Variants in ZNF644 observed in about 807,000 individuals in gnomAD.
ZNF644 encodes the protein zinc finger protein 644, also known as zinc finger motif enhancer binding protein 2.
A neutral mutation model predicts 108.0 loss-of-function variants in ZNF644; 20 were observed. That is an observed-to-expected ratio of 0.19 (90% CI 0.13 to 0.27). The LOEUF (loss-of-function observed/expected upper bound fraction) is 0.27, where lower values mean the gene tolerates loss of function less well. Among genes scored for constraint, ZNF644 ranks in the 10% least tolerant of loss-of-function variants. ZNF644 has a pLI of 1.00. For synonymous variants in ZNF644, 542 were observed against 539.1 expected (o/e 1.01, Z -0.08); for missense variants, 1,338 against 1,548.9 (o/e 0.86, Z 2.29).
At chr1:90,982,753 C>T (rs1435757321) in intron 1 of ZNF644, among the ~76,000 whole-genome samples, 1 of 151,934 alleles carries the variant, frequency 6.6e-6, no homozygotes, top group African/African-American at 2.4e-5. Flanking sequence ...TATCAAGACA[C>T]ACACCAAACA....
chr1:90,939,135 T>A lies in ZNF644; in HGVS notation c.2219A>T (p.Tyr740Phe). ...CCTATAGTTTTCATATTTGTGTCTA[T>A]ACAAATAGTGGCTATTTGCCTTGGC... ...SNAKANSHYL[Y>F]RHKYENYRMI... Residue 740 changes from tyrosine to phenylalanine, a missense_variant, in exon 3 of 6, where the codon TAT (tyrosine) becomes TTT (phenylalanine). Tyr to Phe is a conservative substitution (Grantham distance 22). Transcript: ENST00000337393. The A allele has an allele frequency of 6.2e-7, 1 of 1,613,882 alleles. No individual in the cohort carries two copies. Among genetic ancestry groups the A allele is most frequent in the Non-Finnish European group, 8.5e-7 (1 of 1,179,910 alleles).
chr1:90,989,852 G>A (rs1250682796), intron 1 of ZNF644, among the ~76,000 whole-genome samples: 1 of 152,090 alleles, frequency 6.6e-6, no homozygotes, highest in African/African-American at 2.4e-5. Context: ...ATCTCAAAAC[G>A]ATATTTACAT....
chr1:90,928,186 T>C (rs2100842375), intron 4 of ZNF644, among the ~76,000 whole-genome samples: 1 of 151,604 alleles, frequency 6.6e-6, no homozygotes, highest in African/African-American at 2.4e-5. Flanking sequence ...GGAGTCTCAC[T>C]CTGTCGCCCA....
In ZNF644 at chr1:90,940,812, A is replaced by C. The variant is rs940776809; in HGVS notation, c.542T>G (p.Val181Gly). 8 of 1,613,874 alleles carry C rather than the reference A, an allele frequency of 5.0e-6. No individual in the cohort carries two copies. Among genetic ancestry groups the C allele is most frequent in the Non-Finnish European group, 6.8e-6 (8 of 1,179,978 alleles). ...QHQVLFLLSD[V>G]AHAKNPTHSN... ...ATGGGTGGGATTCTTAGCATGTGCT[A>C]CATCTGATAACAAAAATAAAACTTG... The change falls in exon 3 of 6, where the codon GTA (valine) becomes GGA (glycine). Residue 181 changes from valine to glycine, a missense_variant. By Grantham distance (109) the Val-to-Gly change is moderately radical. Coordinates refer to ENST00000337393, the MANE Select transcript of ZNF644 (RefSeq NM_201269.3).
rs759220470 is a variant in ZNF644, at chr1:90,940,568, T to A, written c.786A>T (p.Gln262His). 15 of 1,614,050 alleles carry A rather than the reference T, an allele frequency of 9.3e-6. No individual in the cohort carries two copies. Among genetic ancestry groups the A allele is most frequent in the African/African-American group, 1.3e-5 (1 of 75,018 alleles). Residue 262 changes from glutamine (Q) to histidine (H), a missense_variant, in exon 3 of 6, where the codon CAA (glutamine) becomes CAT (histidine). Transcript: ENST00000337393. ...RSENDTNWDP[Q>H]KEFIQFLMTN... The stretch of plus-strand genomic sequence containing the variant: ...TCATAAGAAATTGAATGAACTCTTT[T>A]TGGGGATCCCAGTTTGTATCATTTT...
At chr1:90,982,077 T>C (rs936912116) in intron 2 of ZNF644, among the ~76,000 whole-genome samples, 3 of 152,076 alleles carry the variant, frequency 2.0e-5, no homozygotes, top group African/African-American at 7.2e-5. Flanking sequence ...ATGCTTTAGT[T>C]AACCTCAACA....
chr1:91,020,754 C>CT (rs1660830108), intron 1 of ZNF644: 1 of 152,124 alleles, frequency 6.6e-6, no homozygotes, highest in Admixed American at 6.6e-5. Context: ...AAGCAAACTA[C>CT]TGCAGGGAGG....
At chr1:91,013,919 C>A (rs1036863481) in intron 1 of ZNF644, among the ~76,000 whole-genome samples, 6 of 152,040 alleles carry the variant, frequency 3.9e-5, no homozygotes, top group African/African-American at 1.4e-4. Context: ...AATAAAATTT[C>A]ACCTATTTAT....
intron 1 of ZNF644, among the ~76,000 whole-genome samples, chr1:91,006,744 T>C (rs2101721746): frequency 1.3e-5 from 2 of 152,218 alleles, no homozygotes; most frequent in East Asian, 3.9e-4. Context: ...TTCATAATCA[T>C]CCTAGAAATT....
intron 2 of ZNF644, among the ~76,000 whole-genome samples, chr1:90,978,482 C>A (rs1008727855): frequency 6.6e-5 from 10 of 151,978 alleles, no homozygotes; most frequent in Admixed American, 5.9e-4. Flanking sequence ...AAAAAGTCTT[C>A]TTTTTCATGC....
intron 2 of ZNF644, among the ~76,000 whole-genome samples, chr1:90,967,788 C>G (rs981158547): frequency 6.6e-6 from 1 of 151,648 alleles, no homozygotes. Flanking sequence ...TGGCTCACGC[C>G]TGTAATCCCA....
intron 4 of ZNF644, among the ~76,000 whole-genome samples, chr1:90,927,256 T>C (rs1650148535): frequency 6.6e-6 from 1 of 152,232 alleles, no homozygotes; most frequent in Non-Finnish European, 1.5e-5. Flanking sequence ...ATTACAGTTA[T>C]GCATATATGT....
In ZNF644 at chr1:90,939,546, T is replaced by C. The variant is rs1400716128; in HGVS notation, c.1808A>G (p.Lys603Arg). The C allele has an allele frequency of 1.2e-5, 20 of 1,613,894 alleles. No homozygotes were observed. Among genetic ancestry groups the C allele is most frequent in the Non-Finnish European group, 1.5e-5 (18 of 1,179,940 alleles). ...TGATGAATGCAAGTACTCCGTGTGCTTTTTTAAAACACTTTTGGCTGAAGT... is the reference window on the plus strand; with the variant it reads ...TGATGAATGCAAGTACTCCGTGTGCCTTTTTAAAACACTTTTGGCTGAAGT... Reference protein sequence around the residue: ...FTTSAKSVLKKHTEYLHSSSC... With the variant: ...FTTSAKSVLKRHTEYLHSSSC... Residue 603 changes from lysine (K) to arginine (R), a missense_variant, in exon 3 of 6, where the codon AAG (lysine) becomes AGG (arginine). This residue lies in a region of ZNF644 where 462 missense variants were observed against 472.6 expected (regional missense o/e 0.98). Coordinates refer to ENST00000337393, the MANE Select transcript of ZNF644 (RefSeq NM_201269.3).
intron 2 of ZNF644, among the ~76,000 whole-genome samples, chr1:90,959,441 T>C (rs1195278538): frequency 6.6e-6 from 1 of 152,194 alleles, no homozygotes; most frequent in Non-Finnish European, 1.5e-5. Context: ...CAGAAAAACT[T>C]GTACACATAT....
At chr1:90,929,080 A>C (rs758025603) in intron 4 of ZNF644, among the ~76,000 whole-genome samples, 4 of 152,216 alleles carry the variant, frequency 2.6e-5, no homozygotes, top group Admixed American at 6.5e-5. Flanking sequence ...GCATTTAAAA[A>C]GTCACAAGAA....
chr1:90,920,100 T>TA (rs1026135525), intron 4 of ZNF644, among the ~76,000 whole-genome samples: 8 of 152,014 alleles, frequency 5.3e-5, no homozygotes, highest in Admixed American at 2.6e-4. Flanking sequence ...ACACTAGAAA[T>TA]AGAGTTCAGG....
chr1:91,002,176 T>A (rs920162893), intron 1 of ZNF644, among the ~76,000 whole-genome samples: 1 of 152,126 alleles, frequency 6.6e-6, no homozygotes, highest in African/African-American at 2.4e-5. Flanking sequence ...TGGAAAAAAC[T>A]ACTTTAAAGT....
chr1:90,949,747 C>T (rs1361188355), intron 2 of ZNF644, among the ~76,000 whole-genome samples: 1 of 152,150 alleles, frequency 6.6e-6, no homozygotes, highest in Non-Finnish European at 1.5e-5. Context: ...TATGCAAATA[C>T]AACATCATTT....
At chr1:90,970,402 A>G (rs1293910067) in intron 2 of ZNF644, among the ~76,000 whole-genome samples, 9 of 152,192 alleles carry the variant, frequency 5.9e-5, no homozygotes, top group Non-Finnish European at 2.9e-5. Flanking sequence ...TAAAAATGAC[A>G]GATTGTGCAA....
Sources: gnomAD v4.1 joint callset for allele counts (sites outside exome capture counted in the v4.1 genomes callset) on GRCh38, gnomAD v4.1.1 for gene constraint, gnomAD v4.1.1 regional missense constraint, MANE v1.5 for transcripts, NCBI Gene and HGNC (gene_info 2026-07-23, HGNC 2026-07-21) for gene names.